IFT88: variants seen among roughly 807,000 people sequenced by gnomAD.
IFT88 encodes intraflagellar transport 88, also known as intraflagellar transport protein 88 homolog.
In IFT88, 74 loss-of-function variants were observed where a neutral mutation model predicts 119.5. The observed-to-expected ratio is 0.62, with a 90% CI of 0.51 to 0.75. The LOEUF is 0.75. Ranked by LOEUF, IFT88 falls within the 30% of genes least tolerant of loss-of-function variation. The pLI, the probability that IFT88 is intolerant of heterozygous loss-of-function variation, is 0.00. For synonymous variants in IFT88, 279 were observed against 316.7 expected, an observed-to-expected ratio of 0.88 and a Z score of 1.26; for missense variants, 961 against 977.7, an observed-to-expected ratio of 0.98 and a Z score of 0.23.
intron 2 of IFT88, among the ~76,000 whole-genome samples, chr13:20,576,184 A>G (rs966285980): frequency 6.6e-6 from 1 of 151,846 alleles, no homozygotes; most frequent in African/African-American, 2.4e-5. Flanking sequence ...AGAAATATCT[A>G]TTCAGATCTT....
rs557438234 is a variant in IFT88 at position 20,591,709 on chromosome 13, C to G, written c.328+28C>G. ...TTGTTACACTGTCTCTACTAATAAT[C>G]TTTTTTGGATCTTTTAATCTTTTAT... On this transcript the variant is annotated intron_variant, in intron 6 of 25. Coordinates refer to ENST00000351808, the MANE Select transcript of IFT88 (RefSeq NM_006531.5). 1.8e-5 allele frequency: 26 copies of G among 1,462,886 alleles called. No individual in the cohort carries two copies. In the South Asian group the frequency reaches 2.2e-4, roughly 13 times the overall value. The allele number at this position is 1,462,886 out of a possible 1,614,324, so 90.6% of individuals were successfully genotyped here. A position where few individuals can be genotyped will look rare whatever the true frequency, so the allele number is the denominator to read the frequency against.
intron 20 of IFT88, among the ~76,000 whole-genome samples, chr13:20,653,144 A>T (rs1035900650): frequency 6.6e-6 from 1 of 152,110 alleles, no homozygotes; most frequent in Non-Finnish European, 1.5e-5. Flanking sequence ...TAGGCAATGG[A>T]TTTGAAGTTA....
chr13:20,588,801 C>G (rs9315735), intron 3 of IFT88, among the ~76,000 whole-genome samples: 64,548 of 152,010 alleles, frequency 0.42, 14,850 homozygotes, highest in Middle Eastern at 0.53. Flanking sequence ...TCACCTTAAT[C>G]CAGTCGGGTT....
intron 21 of IFT88, among the ~76,000 whole-genome samples, chr13:20,654,479 T>G (rs894158464): frequency 2.6e-5 from 4 of 152,190 alleles, no homozygotes. Context: ...GTGAATAATA[T>G]GCATAAAATA....
At chr13:20,601,331 ATTCCAGCC>A (rs2042562494) in intron 11 of IFT88, among the ~76,000 whole-genome samples, 1 of 149,982 alleles carries the variant, frequency 6.7e-6, no homozygotes, top group South Asian at 2.1e-4. Flanking sequence ...ATGCCACTGC[ATTCCAGCC>A]TGAGCAACAG....
At chr13:20,673,394 C>T (rs2056197555) in intron 24 of IFT88, among the ~76,000 whole-genome samples, 1 of 152,154 alleles carries the variant, frequency 6.6e-6, no homozygotes, top group African/African-American at 2.4e-5. Flanking sequence ...TTCCCCAGAG[C>T]CCAGGGGACA....
At chr13:20,616,779 C>T (rs1208964129) in intron 14 of IFT88, among the ~76,000 whole-genome samples, 1 of 152,134 alleles carries the variant, frequency 6.6e-6, no homozygotes, top group Non-Finnish European at 1.5e-5. Context: ...TGACACAGTG[C>T]AGGTTTGTTT....
At position 20,674,339 on chromosome 13, in the gene IFT88, T is replaced by C. The variant is rs551991830; in HGVS notation, c.2242+3300T>C. On this transcript the variant is annotated intron_variant, in intron 24 of 25. Transcript: ENST00000351808. ...TGAATTTTGTTAAAGGTTGAGAAATTGACAGAACACATCTGCTTCTCATGT... is the reference window on the plus strand; with the variant it reads ...TGAATTTTGTTAAAGGTTGAGAAATCGACAGAACACATCTGCTTCTCATGT... 5.9e-5 allele frequency among the ~76,000 whole-genome samples: 9 copies of C among 152,342 alleles called. No individual in the cohort carries two copies. The East Asian group carries it at 1.7e-3, about 29-fold the overall frequency.
intron 24 of IFT88, among the ~76,000 whole-genome samples, chr13:20,686,080 T>C (rs1198831881): frequency 6.6e-6 from 1 of 152,192 alleles, no homozygotes; most frequent in African/African-American, 2.4e-5. Flanking sequence ...ACAGGCCCCT[T>C]CTTCCCCACT....
At chr13:20,629,197 T>C (rs1280594439) in intron 15 of IFT88, among the ~76,000 whole-genome samples, 1 of 152,198 alleles carries the variant, frequency 6.6e-6, no homozygotes, top group African/African-American at 2.4e-5. Context: ...AAGTGAAGAT[T>C]AGACTATCTC....
At position 20,592,324 on chromosome 13, in the gene IFT88, T is replaced by C. The variant is rs779268508; in HGVS notation, c.329-11T>C. Reference sequence around the variant, plus strand: ...TACAAATTGAATATTAACTCTTGAATTGTGTCTCAGGCTCTGCATTTGACC... The same window carrying C: ...TACAAATTGAATATTAACTCTTGAACTGTGTCTCAGGCTCTGCATTTGACC... On this transcript the variant is annotated splice_polypyrimidine_tract_variant and intron_variant, in intron 6 of 25. Coordinates refer to ENST00000351808, the MANE Select transcript of IFT88 (RefSeq NM_006531.5). The C allele has an allele frequency of 1.9e-6, 3 of 1,602,164 alleles. No individual in the cohort carries two copies. The highest frequency in any genetic ancestry group is 1.7e-4 in the Middle Eastern group (1 of 6,056).
chr13:20,656,405 C>G lies in IFT88; in HGVS notation c.2043C>G (p.His681Gln), dbSNP rs74996961. The part of the protein sequence containing the change: ...QKALDTYKDT[H>Q]RKFPENVECL... ...CATTAGATACTTACAAAGATACTCACAGAAAATTTCCAGAAAATGTCGAAT... is the reference window on the plus strand; with the variant it reads ...CATTAGATACTTACAAAGATACTCAGAGAAAATTTCCAGAAAATGTCGAAT... The change falls in exon 22 of 26, where the codon CAC (histidine) becomes CAG (glutamine). Residue 681 changes from histidine (H) to glutamine (Q), a missense_variant. Transcript: ENST00000351808. 35 of 1,517,354 alleles carry G rather than the reference C, an allele frequency of 2.3e-5. No individual in the cohort carries two copies. The Middle Eastern group carries it at 5.1e-4, about 22-fold the overall frequency. 94.0% of individuals were successfully genotyped at this position (1,517,354 alleles called of 1,614,324 possible).
intron 3 of IFT88, among the ~76,000 whole-genome samples, chr13:20,587,772 G>C (rs556099620): frequency 6.6e-6 from 1 of 152,056 alleles, no homozygotes; most frequent in South Asian, 2.1e-4. Flanking sequence ...TGTTGTTATA[G>C]CTATACAAGC....
At position 20,673,089 on chromosome 13, in the gene IFT88, A is replaced by C. The variant is rs558249550; in HGVS notation, c.2242+2050A>C. Among the ~76,000 whole-genome samples the C allele has an allele frequency of 1.1e-4, 17 of 152,258 alleles. No individual in the cohort carries two copies. The East Asian group carries it at 3.3e-3, about 29-fold the overall frequency. On this transcript the variant is annotated intron_variant, in intron 24 of 25. Transcript: ENST00000351808. ...GGAGTAATTGTCTTGAGTAACCCCT[A>C]AGGAAGTATTAAGTATTAAAATTCT...
chr13:20,686,774 A>C (rs188870051), intron 24 of IFT88, among the ~76,000 whole-genome samples: 2 of 152,302 alleles, frequency 1.3e-5, no homozygotes, highest in Non-Finnish European at 2.9e-5. Context: ...GCTCATAACC[A>C]TATTCTTTCT....
intron 14 of IFT88, among the ~76,000 whole-genome samples, chr13:20,624,037 C>A (rs2046934865): frequency 6.6e-6 from 1 of 152,056 alleles, no homozygotes; most frequent in African/African-American, 2.4e-5. Context: ...ATTATCTTTT[C>A]CTTTTTTGAT....
In IFT88 at chr13:20,643,447, T is replaced by C; in HGVS notation, c.1683-8T>C. On this transcript the variant is annotated splice_polypyrimidine_tract_variant and splice_region_variant and intron_variant, in intron 18 of 25. Coordinates refer to ENST00000351808, the MANE Select transcript of IFT88 (RefSeq NM_006531.5). ...AAAACATGTTTTCCTTAACTGACAT[T>C]GCATAAGATATGAATTAATGGAAAA... is the stretch of plus-strand genomic sequence containing the variant. 1 of 1,582,054 alleles carries C rather than the reference T, an allele frequency of 6.3e-7. No homozygotes were observed.
chr13:20,662,115 T>A (rs2053910499), intron 22 of IFT88, among the ~76,000 whole-genome samples: 1 of 152,196 alleles, frequency 6.6e-6, no homozygotes, highest in South Asian at 2.1e-4. Context: ...GGGACGAAGC[T>A]TCCAGAAGAA....
At chr13:20,573,440 T>C (rs777049730) in intron 1 of IFT88, among the ~76,000 whole-genome samples, 11 of 152,168 alleles carry the variant, frequency 7.2e-5, no homozygotes, top group Non-Finnish European at 1.0e-4. Flanking sequence ...TTGGCTCAAG[T>C]AAACTTTTTA....
Sources: allele counts gnomAD v4.1 joint callset (sites outside exome capture counted in the v4.1 genomes callset), GRCh38; gene constraint gnomAD v4.1.1; transcripts MANE v1.5; gene names NCBI Gene and HGNC (gene_info 2026-07-23, HGNC 2026-07-21).